The following ATG5 variants were observed in gnomAD, a reference collection of about 807,000 sequenced individuals.
ATG5 encodes autophagy protein 5.
A neutral mutation model predicts 36.5 loss-of-function variants in ATG5; 14 were observed. That is an observed-to-expected ratio of 0.38 (90% CI 0.25 to 0.60). The LOEUF (loss-of-function observed/expected upper bound fraction) is 0.60. Ranked by LOEUF, ATG5 falls within the 20% of genes least tolerant of loss-of-function variation. The pLI is 0.60. For synonymous variants in ATG5, 95 were observed against 101.5 expected (o/e 0.94, Z 0.38); for missense variants, 195 against 326.7 (o/e 0.60, Z 3.11).
chr6:106,225,837 T>C (rs776596214), intron 6 of ATG5, among the ~76,000 whole-genome samples: 3 of 152,124 alleles, frequency 2.0e-5, no homozygotes, highest in Admixed American at 6.5e-5. Flanking sequence ...TTGTTAAACA[T>C]CACATCTGCC....
At chr6:106,240,372 C>G (rs1778072392) in intron 6 of ATG5, among the ~76,000 whole-genome samples, 1 of 147,628 alleles carries the variant, frequency 6.8e-6, no homozygotes, top group Admixed American at 6.8e-5. Flanking sequence ...TATAAAATAT[C>G]TATAAAATTA....
chr6:106,282,357 A>G (rs1779915267), intron 4 of ATG5, among the ~76,000 whole-genome samples: 2 of 152,120 alleles, frequency 1.3e-5, no homozygotes. Context: ...TTTCTCATAC[A>G]TTTTACCTGT....
intron 7 of ATG5, among the ~76,000 whole-genome samples, chr6:106,196,596 T>C (rs1444600696): frequency 1.3e-5 from 2 of 152,052 alleles, no homozygotes; most frequent in Non-Finnish European, 2.9e-5. Flanking sequence ...TGGTGGCACA[T>C]GCCTGTAATC....
chr6:106,187,188 A>G (rs796765366), intron 7 of ATG5, among the ~76,000 whole-genome samples: 27 of 152,308 alleles, frequency 1.8e-4, no homozygotes, highest in African/African-American at 6.5e-4. Flanking sequence ...GCATTCAAGT[A>G]TGTATCAAAA....
chr6:106,227,365 G>A (rs1300776572), intron 6 of ATG5, among the ~76,000 whole-genome samples: 1 of 152,218 alleles, frequency 6.6e-6, no homozygotes, highest in Non-Finnish European at 1.5e-5. Flanking sequence ...GGTGGCCAAG[G>A]TGGGAGGATC....
intron 6 of ATG5, among the ~76,000 whole-genome samples, chr6:106,214,414 T>A (rs892322864): frequency 6.6e-6 from 1 of 152,160 alleles, no homozygotes; most frequent in East Asian, 1.9e-4. Context: ...TCTGTACTTA[T>A]GTTGAGAGTC....
rs1775776576 is a variant in ATG5, at chr6:106,186,540, TC to T, written c.827del (p.Ter276=). ...TCTGTTCAGGCAAATAGTTGATCCT[TC>T]AATCTGTTGGCTGTGGGATGATACT... ...HISIIPQPTD[*>X] is the part of the protein sequence containing the mutation. On this transcript the variant is annotated frameshift_variant and stop_lost, in exon 8 of 8. Coordinates refer to ENST00000369076, the MANE Select transcript of ATG5 (RefSeq NM_004849.4). LOFTEE classifies it high-confidence loss of function. 1 of 1,613,316 alleles carries T rather than the reference TC, an allele frequency of 6.2e-7. No homozygotes were observed. The highest frequency in any genetic ancestry group is 1.3e-5 in the African/African-American group (1 of 74,898).
rs577359512 is a variant in ATG5, at chr6:106,250,989, G to GC, written c.479-2746dup. ...ACGGTTCTGCCCAATGTCCAGATAC[G>GC]CAAGTCTCTCAGCAAGGTGGCAGCA... On this transcript the variant is annotated intron_variant, in intron 5 of 7. Transcript: ENST00000369076. 5.8e-3 allele frequency among the ~76,000 whole-genome samples: 879 copies of GC among 152,344 alleles called. 2 individuals carry two copies. The highest frequency in any genetic ancestry group is 8.1e-3 in the Non-Finnish European group (554 of 68,030).
At chr6:106,248,508 G>A (rs976474339) in intron 5 of ATG5, among the ~76,000 whole-genome samples, 2 of 151,760 alleles carry the variant, frequency 1.3e-5, no homozygotes, top group African/African-American at 2.4e-5. Flanking sequence ...ATAAACATAC[G>A]ACTACTTGTG....
chr6:106,202,549 ATAT>A (rs1243768092), intron 6 of ATG5: 3 of 153,016 alleles, frequency 2.0e-5, no homozygotes, highest in Non-Finnish European at 4.4e-5. Flanking sequence ...ACAACTGATA[ATAT>A]TATTGAGTTA....
intron 6 of ATG5, among the ~76,000 whole-genome samples, chr6:106,224,959 C>G (rs781707323): frequency 3.9e-5 from 6 of 152,154 alleles, no homozygotes; most frequent in Non-Finnish European, 7.3e-5. Context: ...CAGATATGTT[C>G]CACTGGTCAT....
chr6:106,262,085 TGATCTAGGGCAGAGTCTCG>T (rs1779041578), intron 5 of ATG5, among the ~76,000 whole-genome samples: 1 of 152,222 alleles, frequency 6.6e-6, no homozygotes, highest in Non-Finnish European at 1.5e-5. Flanking sequence ...CTGATTCAGC[TGATCTAGGGCAGAGTCTCG>T]CTCTGTCACC....
chr6:106,280,443 C>G (rs1458734534), intron 4 of ATG5, among the ~76,000 whole-genome samples: 1 of 152,034 alleles, frequency 6.6e-6, no homozygotes, highest in African/African-American at 2.4e-5. Flanking sequence ...TAAACTTATT[C>G]ACTTTGACTA....
At chr6:106,245,224 A>G (rs1313685877) in intron 6 of ATG5, among the ~76,000 whole-genome samples, 1 of 152,210 alleles carries the variant, frequency 6.6e-6, no homozygotes, top group Non-Finnish European at 1.5e-5. Context: ...TCACCTGACT[A>G]TAGTCATTTT....
At chr6:106,296,027 T>C (rs1769914606) in intron 3 of ATG5, among the ~76,000 whole-genome samples, 1 of 152,110 alleles carries the variant, frequency 6.6e-6, no homozygotes, top group Non-Finnish European at 1.5e-5. Context: ...AAGTACATAA[T>C]AAACAACTGC....
At chr6:106,316,002 T>C (rs768513416) in intron 2 of ATG5, 99 bp downstream of exon 2, 10 of 893,914 alleles carry the variant, frequency 1.1e-5, no homozygotes, top group Non-Finnish European at 1.7e-5. Flanking sequence ...GAATTAGCTG[T>C]ATCTAAAACG....
intron 7 of ATG5, among the ~76,000 whole-genome samples, chr6:106,189,974 A>G (rs952338004): frequency 1.3e-5 from 2 of 152,202 alleles, no homozygotes; most frequent in East Asian, 3.9e-4. Flanking sequence ...TTATGATTTC[A>G]AACTTACAGT....
At chr6:106,230,999 C>T (rs1321896375) in intron 6 of ATG5, among the ~76,000 whole-genome samples, 3 of 151,990 alleles carry the variant, frequency 2.0e-5, no homozygotes, top group Admixed American at 6.6e-5. Flanking sequence ...CCCCAGCATC[C>T]CCCAGACTCC....
chr6:106,224,909 A>C (rs1392821782), intron 6 of ATG5, among the ~76,000 whole-genome samples: 2 of 152,156 alleles, frequency 1.3e-5, no homozygotes, highest in African/African-American at 4.8e-5. Flanking sequence ...AAACAAAACA[A>C]AACACAGAAA....
Sources: gnomAD v4.1 joint callset for allele counts (sites outside exome capture counted in the v4.1 genomes callset) on GRCh38, gnomAD v4.1.1 for gene constraint, MANE v1.5 for transcripts, NCBI Gene and HGNC (gene_info 2026-07-23, HGNC 2026-07-21) for gene names.